BEND5: variants seen among roughly 807,000 people sequenced by gnomAD.
BEND5 encodes BEN domain-containing protein 5.
BEND5 carries 22 observed loss-of-function variants against 43.9 expected under a neutral mutation model. The ratio of observed to expected loss-of-function variants is 0.50; its 90% confidence interval spans 0.36 to 0.72. The LOEUF is 0.72. Ranked by LOEUF, BEND5 falls within the 30% of genes least tolerant of loss-of-function variation. BEND5 has a pLI of 0.00. For synonymous variants in BEND5, 228 were observed against 225.9 expected (o/e 1.01, Z -0.08); for missense variants, 428 against 550.6 (o/e 0.78, Z 2.23).
chr1:48,762,484 T>C (rs1158231148), intron 1 of BEND5, among the ~76,000 whole-genome samples: 1 of 152,180 alleles, frequency 6.6e-6, no homozygotes, highest in Non-Finnish European at 1.5e-5. Flanking sequence ...ACTGACACTT[T>C]AGAGATTGCT....
At chr1:48,767,113 G>A (rs1483771710) in intron 1 of BEND5, among the ~76,000 whole-genome samples, 1 of 152,144 alleles carries the variant, frequency 6.6e-6, no homozygotes, top group African/African-American at 2.4e-5. Context: ...GGGAGAGGGT[G>A]GCCCAGTATC....
chr1:48,752,428 A>T (rs1376710074), intron 3 of BEND5, among the ~76,000 whole-genome samples: 1 of 152,208 alleles, frequency 6.6e-6, no homozygotes, highest in Non-Finnish European at 1.5e-5. Context: ...GTGGTAATGG[A>T]CAAATTCTAT....
At position 48,736,248 on chromosome 1, in the gene BEND5, T is replaced by C. The variant is rs2148575830; in HGVS notation, c.1099A>G (p.Ile367Val). 1 of 1,614,052 alleles carries C rather than the reference T, an allele frequency of 6.2e-7. No homozygotes were observed. Among genetic ancestry groups the C allele is most frequent in the Non-Finnish European group, 8.5e-7 (1 of 1,179,896 alleles). Residue 367 changes from isoleucine (I) to valine (V), a missense_variant, in exon 5 of 6, where the codon ATC (isoleucine) becomes GTC (valine). By Grantham distance (29) the Ile-to-Val change is conservative. Coordinates refer to ENST00000371833, the MANE Select transcript of BEND5 (RefSeq NM_024603.4). The surrounding 1 kb of genome is among the most constrained non-coding windows in gnomAD (Gnocchi z 4.0). Reference protein sequence around the residue: ...KPPLSPHKLSIVRECLYDRIA... With the variant: ...KPPLSPHKLSVVRECLYDRIA... ...CCACTCAGTGACCTACCTCTGACGATGCTTAGTTTGTGAGGCGAGAGGGGT... is the reference window on the plus strand; with the variant it reads ...CCACTCAGTGACCTACCTCTGACGACGCTTAGTTTGTGAGGCGAGAGGGGT...
intron 1 of BEND5, among the ~76,000 whole-genome samples, chr1:48,767,600 G>T (rs1644593422): frequency 6.6e-6 from 1 of 152,094 alleles, no homozygotes. Context: ...TACTTTATGT[G>T]GCATTTTAAT....
chr1:48,754,330 A>G (rs933506403), intron 3 of BEND5, among the ~76,000 whole-genome samples: 5 of 152,156 alleles, frequency 3.3e-5, no homozygotes, highest in African/African-American at 1.2e-4. Context: ...ACCCGGTTTA[A>G]ACACACCATT....
At chr1:48,760,773 C>G (rs531955595) in intron 2 of BEND5, among the ~76,000 whole-genome samples, 2 of 152,092 alleles carry the variant, frequency 1.3e-5, no homozygotes, top group Non-Finnish European at 2.9e-5. Context: ...ATCTACTGCA[C>G]AGAAAAAAAC....
intron 5 of BEND5, among the ~76,000 whole-genome samples, chr1:48,735,038 T>C (rs996443825): frequency 3.9e-5 from 6 of 152,214 alleles, no homozygotes; most frequent in Admixed American, 1.3e-4. Context: ...TGTGTCTCAG[T>C]TTCCTTGTCC....
intron 3 of BEND5, among the ~76,000 whole-genome samples, chr1:48,747,036 T>C (rs1430010268): frequency 6.6e-6 from 1 of 152,260 alleles, no homozygotes; most frequent in Non-Finnish European, 1.5e-5. Context: ...TCACTACCGA[T>C]GTTGGCAATT....
chr1:48,741,865 C>A (rs1649968892), intron 4 of BEND5, among the ~76,000 whole-genome samples: 3 of 152,182 alleles, frequency 2.0e-5, no homozygotes, highest in Admixed American at 2.0e-4. Flanking sequence ...AGTGCCAACA[C>A]AAAGGGCTCT....
At chr1:48,750,684 A>G (rs573765666) in intron 3 of BEND5, among the ~76,000 whole-genome samples, 107 of 152,362 alleles carry the variant, frequency 7.0e-4, no homozygotes, top group African/African-American at 1.9e-3. Flanking sequence ...TCCCTGCACA[A>G]AAACATTTCC....
At chr1:48,774,229 C>T (rs764088630) in intron 1 of BEND5, among the ~76,000 whole-genome samples, 40 of 152,336 alleles carry the variant, frequency 2.6e-4, no homozygotes, top group Non-Finnish European at 4.6e-4. Context: ...CTCCTCACAC[C>T]TGGTGCCATA....
chr1:48,771,055 T>C (rs1199247403), intron 1 of BEND5, among the ~76,000 whole-genome samples: 1 of 152,242 alleles, frequency 6.6e-6, no homozygotes, highest in Non-Finnish European at 1.5e-5. Context: ...GCACTGAACC[T>C]GGAACCAGGT....
chr1:48,729,172 A>C (rs1647694041), intron 5 of BEND5, among the ~76,000 whole-genome samples: 1 of 152,240 alleles, frequency 6.6e-6, no homozygotes, highest in African/African-American at 2.4e-5. Context: ...GTTGTAAGGA[A>C]TACTACACCT....
rs539587252 is a variant in BEND5 at position 48,764,082 on chromosome 1, T to C, written c.227-2612A>G. 5.3e-5 allele frequency among the ~76,000 whole-genome samples: 8 copies of C among 152,266 alleles called. No homozygotes were observed. The South Asian group carries it at 1.7e-3, about 32-fold the overall frequency. On this transcript the variant is annotated intron_variant, in intron 1 of 5. Transcript: ENST00000371833. ...AGATGAACAAACATCCAGTTGGGGA[T>C]ACAAGATAAAAACACAAGAAAAGAG... is the stretch of plus-strand genomic sequence containing the variant.
intron 2 of BEND5, among the ~76,000 whole-genome samples, chr1:48,760,877 T>C (rs551097289): frequency 6.6e-6 from 1 of 152,248 alleles, no homozygotes; most frequent in African/African-American, 2.4e-5. Flanking sequence ...CTCATGCAAA[T>C]GTTTTCATCT....
chr1:48,742,666 G>A lies in BEND5; in HGVS notation c.851C>T (p.Ala284Val), dbSNP rs374644523. The A allele has an allele frequency of 3.7e-6, 6 of 1,609,508 alleles. No homozygotes were observed. The African/African-American group carries it at 6.7e-5, about 18-fold the overall frequency. The change falls in exon 4 of 6, where the codon GCT (alanine) becomes GTT (valine). Residue 284 changes from alanine to valine, a missense_variant. Ala to Val is a moderately conservative substitution (Grantham distance 64). Transcript: ENST00000371833. ...EEANTSSYYP[A>V]PAPVMDKYIL... is the part of the protein sequence containing the mutation. Reference sequence around the variant, plus strand: ...ATACTTGTCCATGACAGGCGCAGGAGCGGGGTAATAGGACGACGTATTTGC... The same window carrying A: ...ATACTTGTCCATGACAGGCGCAGGAACGGGGTAATAGGACGACGTATTTGC...
chr1:48,734,916 C>T (rs1478957099), intron 5 of BEND5, among the ~76,000 whole-genome samples: 3 of 152,176 alleles, frequency 2.0e-5, no homozygotes, highest in Non-Finnish European at 4.4e-5. Flanking sequence ...ACATGGCAGA[C>T]CTGGACACTA....
chr1:48,774,394 G>A (rs1382209332), intron 1 of BEND5, among the ~76,000 whole-genome samples: 2 of 152,140 alleles, frequency 1.3e-5, no homozygotes, highest in African/African-American at 2.4e-5. Flanking sequence ...CTGGCCCTTC[G>A]ATCAGGTCTC....
At chr1:48,766,604 G>A (rs1644543718) in intron 1 of BEND5, among the ~76,000 whole-genome samples, 1 of 152,224 alleles carries the variant, frequency 6.6e-6, no homozygotes, top group African/African-American at 2.4e-5. Context: ...AGTCCAGGAA[G>A]CTCTGAGGTG....
Sources: gnomAD v4.1 joint callset for allele counts (sites outside exome capture counted in the v4.1 genomes callset) on GRCh38, gnomAD v4.1.1 for gene constraint, Gnocchi (gnomAD v3.1) non-coding constraint, MANE v1.5 for transcripts, NCBI Gene and HGNC (gene_info 2026-07-23, HGNC 2026-07-21) for gene names.